Variants in DAPK1 observed in about 807,000 individuals in gnomAD.
The protein encoded by DAPK1 is death-associated protein kinase 1.
A neutral mutation model predicts 144.9 loss-of-function variants in DAPK1; 56 were observed. The ratio of observed to expected loss-of-function variants is 0.39; its 90% CI spans 0.31 to 0.48. DAPK1 has a LOEUF of 0.48. DAPK1 is among the 20% of genes least tolerant of loss of function. The pLI is 0.95. For synonymous variants in DAPK1, 690 were observed against 749.0 expected (o/e 0.92, Z 1.29); for missense variants, 1,454 against 1,875.4 (o/e 0.78, Z 4.15).
chr9:87,540,731 A>T (rs1826021057), intron 2 of DAPK1, among the ~76,000 whole-genome samples: 1 of 152,228 alleles, frequency 6.6e-6, no homozygotes, highest in Admixed American at 6.5e-5. Flanking sequence ...TATCAGTGTG[A>T]CCACAGTAAA....
At chr9:87,688,108 T>A (rs1244319703) in intron 21 of DAPK1, among the ~76,000 whole-genome samples, 1 of 132,328 alleles carries the variant, frequency 7.6e-6, no homozygotes, top group African/African-American at 2.7e-5. Context: ...CCCCCTCTAG[T>A]AGTCCCCAGT....
Position 87,707,472 on chromosome 9 carries a change from A to C in DAPK1, c.*108A>C. The C allele has an allele frequency of 1.4e-6, 1 of 718,974 alleles. No individual in the cohort carries two copies. Among genetic ancestry groups the C allele is most frequent in the Non-Finnish European group, 2.3e-6 (1 of 437,696 alleles). 44.5% of individuals were successfully genotyped at this position (718,974 alleles called of 1,614,324 possible). A position where few individuals can be genotyped will look rare whatever the true frequency, so the allele number is the denominator to read the frequency against. ...TGAGGGTGTTTCTTCCTGCACCCAC[A>C]GCCAGGGGGATGCCACTCCTCCCTC... On this transcript the variant is annotated 3_prime_UTR_variant, in exon 26 of 26. Transcript: ENST00000408954. This position sits in a 1 kb window ranked among gnomAD's most constrained non-coding sequence, Gnocchi z 4.0.
intron 2 of DAPK1, among the ~76,000 whole-genome samples, chr9:87,550,774 T>TA (rs1421890234): frequency 6.6e-6 from 1 of 152,208 alleles, no homozygotes; most frequent in African/African-American, 2.4e-5. Flanking sequence ...GGTTTGCTGT[T>TA]ACTGCCGAGT....
chr9:87,643,235 T>C, intron 10 of DAPK1, 141 bp from the exon 11 acceptor site: 2 of 582,712 alleles, frequency 3.4e-6, no homozygotes, highest in East Asian at 5.6e-5. Flanking sequence ...GGAGAGTGTG[T>C]GCTGATAGCA....
intron 3 of DAPK1, among the ~76,000 whole-genome samples, chr9:87,611,200 C>T (rs2118991957): frequency 6.6e-6 from 1 of 152,292 alleles, no homozygotes; most frequent in East Asian, 1.9e-4. Context: ...AAAACAGTGG[C>T]TCTTAAACTT....
At chr9:87,611,744 A>G (rs898760478) in intron 3 of DAPK1, among the ~76,000 whole-genome samples, 3 of 152,152 alleles carry the variant, frequency 2.0e-5, no homozygotes, top group African/African-American at 7.2e-5. Flanking sequence ...TGTGAGCCAC[A>G]ACGCCCAGCC....
At chr9:87,693,847 C>T (rs1212951258) in intron 21 of DAPK1, among the ~76,000 whole-genome samples, 1 of 151,844 alleles carries the variant, frequency 6.6e-6, no homozygotes, top group Non-Finnish European at 1.5e-5. Context: ...TCCAGTGGTG[C>T]CTGTAATTTT....
At chr9:87,667,610 A>G (rs1373630326) in intron 18 of DAPK1, among the ~76,000 whole-genome samples, 1 of 152,198 alleles carries the variant, frequency 6.6e-6, no homozygotes, top group East Asian at 1.9e-4. Flanking sequence ...AGGAATTGAG[A>G]GGTTGCTGTT....
rs36208063 is a variant in DAPK1, at chr9:87,615,576, G to A, written c.284+10401G>A. On this transcript the variant is annotated intron_variant, in intron 3 of 25. Transcript: ENST00000408954. ...TTATTTCAAAAATGTAGGGTAGAAC[G>A]TTCACTACTTTTAAGGCACTTGCAC... Among the ~76,000 whole-genome samples the A allele has an allele frequency of 7.9e-5, 12 of 152,324 alleles. No individual in the cohort carries two copies. In the East Asian group the frequency reaches 2.3e-3, roughly 29 times the overall value.
chr9:87,604,346 C>T (rs1438359829), intron 2 of DAPK1, among the ~76,000 whole-genome samples: 1 of 152,068 alleles, frequency 6.6e-6, no homozygotes, highest in Admixed American at 6.6e-5. Context: ...TTCCCCAAAA[C>T]CACAAAGATC....
chr9:87,700,243 T>C lies in DAPK1; in HGVS notation c.2871+6T>C. On this transcript the variant is annotated splice_donor_region_variant and intron_variant, in intron 24 of 25. Transcript: ENST00000408954. ...TACGAAGCCAGATTGTTTCGGTAAGTACACCATGGAAAGAGCCTGGACCCC... is the reference window on the plus strand; with the variant it reads ...TACGAAGCCAGATTGTTTCGGTAAGCACACCATGGAAAGAGCCTGGACCCC... 1 of 1,610,756 alleles carries C rather than the reference T, an allele frequency of 6.2e-7. No individual in the cohort carries two copies. Among genetic ancestry groups the C allele is most frequent in the Non-Finnish European group, 8.5e-7 (1 of 1,176,910 alleles).
chr9:87,691,936 A>G (rs1052786996), intron 21 of DAPK1, among the ~76,000 whole-genome samples: 13 of 152,066 alleles, frequency 8.5e-5, no homozygotes, highest in African/African-American at 3.1e-4. Context: ...CTGTGTGCTG[A>G]TGAGAAAATG....
chr9:87,587,043 A>G (rs186340516), intron 2 of DAPK1, among the ~76,000 whole-genome samples: 2 of 152,318 alleles, frequency 1.3e-5, no homozygotes, highest in East Asian at 3.9e-4. Context: ...ATCCTTAGCA[A>G]GATCAAACTC....
Position 87,703,217 on chromosome 9 carries a change from G to A in DAPK1, c.3060G>A (p.Glu1020=), listed in dbSNP as rs1825518757. ...RIAQQLHSTG[E]INIMQSETVQ... ...CTCAGCAGCTCCACAGCACAGGCGA[G>A]GTGAGCCCCTGGGAGCCCAGGCAGG... is the stretch of plus-strand genomic sequence containing the variant. The change falls in exon 25 of 26, where the codon GAG becomes GAA. Residue 1020 remains glutamate, a splice_region_variant and synonymous_variant. Transcript: ENST00000408954. 1 of 1,599,656 alleles carries A rather than the reference G, an allele frequency of 6.3e-7. No homozygotes were observed. Among genetic ancestry groups the A allele is most frequent in the Non-Finnish European group, 8.6e-7 (1 of 1,167,274 alleles).
At chr9:87,570,890 C>T (rs1827305192) in intron 2 of DAPK1, among the ~76,000 whole-genome samples, 1 of 152,040 alleles carries the variant, frequency 6.6e-6, no homozygotes, top group Admixed American at 6.5e-5. Flanking sequence ...AGTTTGCTTC[C>T]CTTGCTTACA....
Position 87,643,366 on chromosome 9 carries a change from T to TTA in DAPK1, c.919-10_919-9insTA, listed in dbSNP as rs71354773. ...CCCTCCCTTTTTTTTTTTTTTTTTT[T>TTA]AAAAAAAAGCAATCCGTTCGCTTGA... On this transcript the variant is annotated splice_polypyrimidine_tract_variant and intron_variant, in intron 10 of 25. Coordinates refer to ENST00000408954, the MANE Select transcript of DAPK1 (RefSeq NM_004938.4). The TTA allele has an allele frequency of 5.7e-3, 7,661 of 1,346,980 alleles. 444 individuals are homozygous for TTA. In the African/African-American group the frequency reaches 0.13, roughly 22 times the overall value. The allele number at this position is 1,346,980 out of a possible 1,614,324, so 83.4% of individuals were successfully genotyped here. A position where few individuals can be genotyped will look rare whatever the true frequency, so the allele number is the denominator to read the frequency against.
intron 3 of DAPK1, among the ~76,000 whole-genome samples, chr9:87,611,294 G>A (rs1488220982): frequency 1.3e-5 from 2 of 152,130 alleles, no homozygotes; most frequent in Non-Finnish European, 2.9e-5. Flanking sequence ...TTTGGGGTGG[G>A]ACCTAGGCGT....
intron 2 of DAPK1, among the ~76,000 whole-genome samples, chr9:87,590,369 CAA>C (rs200588801): frequency 2.1e-4 from 18 of 85,708 alleles, no homozygotes; most frequent in African/African-American, 2.0e-4. Context: ...TCATTGGCCT[CAA>C]AAAAAAAAAA....
In DAPK1 at chr9:87,651,568, G is replaced by C. The variant is rs1294462231; in HGVS notation, c.1668G>C (p.Gln556His). ...TTCATCTGGCTGTAAGACGGTGTCA[G>C]ATGGAGGTAATCAAGACTCTCCTCA... ...IALHLAVRRC[Q>H]MEVIKTLLSQ... The change falls in exon 17 of 26, where the codon CAG becomes CAC. Residue 556 changes from glutamine (Q) to histidine (H), a missense_variant. Coordinates refer to ENST00000408954, the MANE Select transcript of DAPK1 (RefSeq NM_004938.4). 3.1e-6 allele frequency: 5 copies of C among 1,614,076 alleles called. No individual in the cohort carries two copies. In the African/African-American group the frequency reaches 6.7e-5, roughly 22 times the overall value.
Sources: allele counts gnomAD v4.1 joint callset (sites outside exome capture counted in the v4.1 genomes callset), GRCh38; gene constraint gnomAD v4.1.1; non-coding constraint Gnocchi (gnomAD v3.1); transcripts MANE v1.5; gene names NCBI Gene and HGNC (gene_info 2026-07-23, HGNC 2026-07-21).